The following ACTR3B variants were observed in gnomAD, a reference collection of about 807,000 sequenced individuals.
The protein encoded by ACTR3B is actin-related protein 3B.
A neutral mutation model predicts 59.0 loss-of-function variants in ACTR3B; 8 were observed. The observed-to-expected ratio is 0.14, with a 90% CI of 0.08 to 0.24. The LOEUF (loss-of-function observed/expected upper bound fraction) is 0.24, where lower values mean the gene tolerates loss of function less well. ACTR3B is among the 10% of genes least tolerant of loss of function. The probability of loss-of-function intolerance (pLI) is 1.00; values close to 1 mark genes in which losing one functional copy is unlikely to be tolerated. For synonymous variants in ACTR3B, 148 were observed against 197.9 expected, an observed-to-expected ratio of 0.75 and a Z score of 2.12; for missense variants, 245 against 552.3, an observed-to-expected ratio of 0.44 and a Z score of 5.58.
chr7:152,849,467 A>T (rs1265079854), intron 9 of ACTR3B, among the ~76,000 whole-genome samples: 1 of 152,214 alleles, frequency 6.6e-6, no homozygotes, highest in Admixed American at 6.5e-5. Flanking sequence ...CTTGAAGCTG[A>T]TAACAAAATA....
intron 5 of ACTR3B, among the ~76,000 whole-genome samples, chr7:152,815,229 G>A (rs1037459994): frequency 2.0e-5 from 3 of 152,224 alleles, no homozygotes; most frequent in Non-Finnish European, 4.4e-5. Flanking sequence ...CTAAGGAGGA[G>A]GAGGAGGAGG....
intron 2 of ACTR3B, among the ~76,000 whole-genome samples, chr7:152,786,902 C>G (rs1449327669): frequency 6.6e-6 from 1 of 152,170 alleles, no homozygotes; most frequent in African/African-American, 2.4e-5. Context: ...ATCATACATA[C>G]AGATCCACAT....
At chr7:152,786,848 T>G (rs556861751) in intron 2 of ACTR3B, among the ~76,000 whole-genome samples, 2 of 152,336 alleles carry the variant, frequency 1.3e-5, no homozygotes, top group East Asian at 3.9e-4. Flanking sequence ...TAAATAACTT[T>G]CTGCATGGTC....
Position 152,854,378 on chromosome 7 carries a change from T to A in ACTR3B, c.1162-80T>A. On this transcript the variant is annotated intron_variant, in intron 11 of 11. Coordinates refer to ENST00000256001, the MANE Select transcript of ACTR3B (RefSeq NM_020445.6). This position sits in a 1 kb window ranked among gnomAD's most constrained non-coding sequence, Gnocchi z 4.9. ...AGGGTGGAGGCCGGGATGAGGAGAG[T>A]GTCTTGCCTGCTTGGTAGCTGGTTC... is the stretch of plus-strand genomic sequence containing the variant. 7.7e-7 allele frequency: 1 copy of A among 1,295,914 alleles called. No individual in the cohort carries two copies. The highest frequency in any genetic ancestry group is 1.2e-5 in the South Asian group (1 of 84,016). 80.3% of individuals were successfully genotyped at this position (1,295,914 alleles called of 1,614,324 possible).
rs557442923 is a variant in ACTR3B, at chr7:152,853,776, G to C, written c.1161+199G>C. ...CTGTCGCCCAGGCTGGAGTTTAATGGTGCGATCTCAGCTCACTGCAACCTC... is the reference window on the plus strand; with the variant it reads ...CTGTCGCCCAGGCTGGAGTTTAATGCTGCGATCTCAGCTCACTGCAACCTC... On this transcript the variant is annotated intron_variant, in intron 11 of 11. Coordinates refer to ENST00000256001, the MANE Select transcript of ACTR3B (RefSeq NM_020445.6). 2.0e-5 allele frequency among the ~76,000 whole-genome samples: 3 copies of C among 152,172 alleles called. No homozygotes were observed. The East Asian group carries it at 5.8e-4, about 29-fold the overall frequency.
intron 1 of ACTR3B, among the ~76,000 whole-genome samples, chr7:152,761,594 A>G (rs530350216): frequency 2.6e-5 from 4 of 152,288 alleles, no homozygotes; most frequent in African/African-American, 9.6e-5. Context: ...TGGAGATTCA[A>G]CTTCTATAGA....
At chr7:152,847,761 C>T (rs1390743125) in intron 9 of ACTR3B, among the ~76,000 whole-genome samples, 1 of 152,168 alleles carries the variant, frequency 6.6e-6, no homozygotes, top group Non-Finnish European at 1.5e-5. Context: ...CACAGGGCCC[C>T]TGGGACATAT....
intron 1 of ACTR3B, among the ~76,000 whole-genome samples, chr7:152,782,217 G>T (rs1315911487): frequency 1.3e-5 from 2 of 149,462 alleles, no homozygotes; most frequent in Admixed American, 1.3e-4. Flanking sequence ...AATAAAGTTA[G>T]TTTCAACACT....
rs530616976 is a variant in ACTR3B at position 152,823,427 on chromosome 7, C to T, written c.770C>T (p.Thr257Met). The T allele has an allele frequency of 8.2e-5, 132 of 1,614,070 alleles. 1 individual carries two copies. Among genetic ancestry groups the T allele is most frequent in the Middle Eastern group, 6.6e-4 (4 of 6,084 alleles). The change falls in exon 8 of 12, where the codon ACG (threonine) becomes ATG (methionine). Residue 257 changes from threonine to methionine, a missense_variant. By Grantham distance (81) the Thr-to-Met change is moderately conservative. This residue lies in a region of ACTR3B where 153 missense variants were observed against 266.2 expected (regional missense o/e 0.57). Coordinates refer to ENST00000256001, the MANE Select transcript of ACTR3B (RefSeq NM_020445.6). ...CCCCGGAAGTGGATCAAACAGTACA[C>T]GGGTATCAATGCGATCAACCAGAAG... Reference protein sequence around the residue: ...VDPRKWIKQYTGINAINQKKF... With the variant: ...VDPRKWIKQYMGINAINQKKF...
intron 10 of ACTR3B, 79 bp from the exon 11 acceptor site, chr7:152,853,415 G>A (rs1015608481): frequency 6.6e-6 from 9 of 1,371,214 alleles, no homozygotes; most frequent in African/African-American, 5.7e-5. Flanking sequence ...GGGTGCAGCT[G>A]TGGTCTCGTC....
chr7:152,795,938 A>C (rs1471194799), intron 2 of ACTR3B, among the ~76,000 whole-genome samples: 1 of 151,568 alleles, frequency 6.6e-6, no homozygotes, highest in Non-Finnish European at 1.5e-5. Flanking sequence ...CTGCCTCCCA[A>C]GTTCAAGTGA....
chr7:152,852,298 G>T, intron 10 of ACTR3B, 47 bp downstream of exon 10: 2 of 1,535,834 alleles, frequency 1.3e-6, no homozygotes, highest in Non-Finnish European at 8.7e-7. Context: ...ATTGCCCCAG[G>T]CCTGACCGGG....
chr7:152,782,668 C>T (rs532352456), intron 1 of ACTR3B, among the ~76,000 whole-genome samples: 45 of 151,684 alleles, frequency 3.0e-4, no homozygotes, highest in African/African-American at 9.9e-4. Flanking sequence ...CCGCCGCCCC[C>T]CACCCCGCAA....
intron 9 of ACTR3B, among the ~76,000 whole-genome samples, chr7:152,845,009 T>TG (rs1380834550): frequency 6.7e-6 from 1 of 148,190 alleles, no homozygotes; most frequent in Admixed American, 6.8e-5. Context: ...TCTCATACAG[T>TG]GGTCGACCTG....
At position 152,854,410 on chromosome 7, in the gene ACTR3B, C is replaced by CT. The variant is rs762430839; in HGVS notation, c.1162-45dup. ...CCTGCTTGGTAGCTGGTTCCCTTGA[C>CT]TTTCTTCTGAAATGAGTGTCTTTCT... On this transcript the variant is annotated intron_variant, in intron 11 of 11. Coordinates refer to ENST00000256001, the MANE Select transcript of ACTR3B (RefSeq NM_020445.6). The surrounding 1 kb of genome is among the most constrained non-coding windows in gnomAD (Gnocchi z 4.9). The CT allele has an allele frequency of 1.1e-4, 180 of 1,570,604 alleles. 1 individual carries two copies. The highest frequency in any genetic ancestry group is 2.5e-5 in the Non-Finnish European group (28 of 1,140,906).
chr7:152,766,447 C>G (rs954250877), intron 1 of ACTR3B, among the ~76,000 whole-genome samples: 1 of 152,162 alleles, frequency 6.6e-6, no homozygotes, highest in Non-Finnish European at 1.5e-5. Flanking sequence ...GTTTGCCACT[C>G]TAGGAGCAGT....
intron 1 of ACTR3B, among the ~76,000 whole-genome samples, chr7:152,769,160 T>C (rs1344013223): frequency 6.6e-6 from 1 of 151,802 alleles, no homozygotes; most frequent in Non-Finnish European, 1.5e-5. Context: ...GGCTCACATT[T>C]TTGTGTGTGT....
intron 9 of ACTR3B, among the ~76,000 whole-genome samples, chr7:152,833,098 T>G (rs1217313514): frequency 6.6e-6 from 1 of 152,182 alleles, no homozygotes; most frequent in Non-Finnish European, 1.5e-5. Context: ...GAGGTAGCCC[T>G]TGGGTTCACC....
At position 152,854,422 on chromosome 7, in the gene ACTR3B, A is replaced by G; in HGVS notation, c.1162-36A>G. 1 of 1,589,458 alleles carries G rather than the reference A, an allele frequency of 6.3e-7. No individual in the cohort carries two copies. Among genetic ancestry groups the G allele is most frequent in the Non-Finnish European group, 8.6e-7 (1 of 1,157,688 alleles). On this transcript the variant is annotated intron_variant, in intron 11 of 11. Transcript: ENST00000256001. The surrounding 1 kb of genome is among the most constrained non-coding windows in gnomAD (Gnocchi z 4.9). ...CTGGTTCCCTTGACTTTCTTCTGAAATGAGTGTCTTTCTGTCTGCCTGTTG... is the reference window on the plus strand; with the variant it reads ...CTGGTTCCCTTGACTTTCTTCTGAAGTGAGTGTCTTTCTGTCTGCCTGTTG...
Sources: allele counts gnomAD v4.1 joint callset (sites outside exome capture counted in the v4.1 genomes callset), GRCh38; gene constraint gnomAD v4.1.1; regional missense constraint gnomAD v4.1.1; non-coding constraint Gnocchi (gnomAD v3.1); transcripts MANE v1.5; gene names NCBI Gene and HGNC (gene_info 2026-07-23, HGNC 2026-07-21).